Variants in CADM2 observed in about 807,000 individuals in gnomAD.
CADM2 encodes the protein cell adhesion molecule 2, also known as immunoglobulin superfamily member 4D.
In CADM2, 12 loss-of-function variants were observed where a neutral mutation model predicts 49.8. That is an observed-to-expected ratio of 0.24 (90% CI 0.15 to 0.39). The LOEUF is 0.39. CADM2 is among the 10% of genes least tolerant of loss of function. The pLI is 1.00. For synonymous variants in CADM2, 214 were observed against 175.4 expected (o/e 1.22, Z -1.74); for missense variants, 378 against 492.3 (o/e 0.77, Z 2.20).
chr3:85,000,779 G>A (rs955434993), intron 1 of CADM2, among the ~76,000 whole-genome samples: 1 of 151,790 alleles, frequency 6.6e-6, no homozygotes, highest in African/African-American at 2.4e-5. Context: ...GTGTATATGT[G>A]TGTGCATGTG....
intron 2 of CADM2, among the ~76,000 whole-genome samples, chr3:85,777,096 T>C (rs2070393729): frequency 1.3e-5 from 2 of 152,052 alleles, no homozygotes; most frequent in Admixed American, 1.3e-4. Flanking sequence ...ATATGCATAG[T>C]ATTTCTTTCT....
chr3:86,021,886 G>A (rs539817955), intron 8 of CADM2, among the ~76,000 whole-genome samples: 3 of 152,100 alleles, frequency 2.0e-5, no homozygotes, highest in African/African-American at 7.2e-5. Context: ...TACAGGAAGA[G>A]CAAGTCTAGA....
Position 85,530,538 on chromosome 3 carries a change from C to G in CADM2, c.62-195984C>G, listed in dbSNP as rs1028556426. Reference sequence around the variant, plus strand: ...TAGAGACGGGGTTTCACCGTGTTAGCCAGGATGGTCTCAATCTCCTGACTT... The same window carrying G: ...TAGAGACGGGGTTTCACCGTGTTAGGCAGGATGGTCTCAATCTCCTGACTT... On this transcript the variant is annotated intron_variant, in intron 1 of 9. Coordinates refer to ENST00000383699, the MANE Select transcript of CADM2 (RefSeq NM_001167675.2). 9.3e-4 allele frequency among the ~76,000 whole-genome samples: 141 copies of G among 151,862 alleles called. 1 individual carries two copies. Among genetic ancestry groups the G allele is most frequent in the African/African-American group, 3.3e-3 (138 of 41,308 alleles).
At chr3:86,013,777 T>C (rs2106936966) in intron 8 of CADM2, 2 of 1,590,406 alleles carry the variant, frequency 1.3e-6, no homozygotes, top group East Asian at 2.2e-5. Flanking sequence ...TTTCACACTA[T>C]GATAACTGAG....
chr3:85,374,240 G>T (rs541427606), intron 1 of CADM2, among the ~76,000 whole-genome samples: 1 of 152,190 alleles, frequency 6.6e-6, no homozygotes, highest in East Asian at 1.9e-4. Flanking sequence ...TACTGCTTAG[G>T]AATTTATTCT....
intron 1 of CADM2, among the ~76,000 whole-genome samples, chr3:85,070,350 A>T (rs2036681895): frequency 6.6e-6 from 1 of 152,172 alleles, no homozygotes; most frequent in Non-Finnish European, 1.5e-5. Flanking sequence ...ACAAATTCCA[A>T]AATGTGAAGC....
chr3:85,843,901 G>C (rs941946441), intron 3 of CADM2, among the ~76,000 whole-genome samples: 6 of 151,714 alleles, frequency 4.0e-5, no homozygotes, highest in African/African-American at 1.2e-4. Flanking sequence ...TGTGTGTGGG[G>C]GGGGAGCGGT....
intron 2 of CADM2, among the ~76,000 whole-genome samples, chr3:85,727,254 A>C (rs1299396268): frequency 1.3e-5 from 2 of 152,054 alleles, no homozygotes; most frequent in African/African-American, 4.8e-5. Flanking sequence ...TTTGCTTCTT[A>C]AATAGCAAAA....
chr3:85,023,078 G>C (rs2034576139), intron 1 of CADM2, among the ~76,000 whole-genome samples: 1 of 152,032 alleles, frequency 6.6e-6, no homozygotes. Context: ...TAAACAAAGT[G>C]AATAGTAAAG....
intron 1 of CADM2, among the ~76,000 whole-genome samples, chr3:85,243,615 G>A (rs1272251426): frequency 3.3e-5 from 5 of 152,036 alleles, no homozygotes; most frequent in African/African-American, 4.8e-5. Flanking sequence ...AAGAGGCAGA[G>A]TGCTCATTAA....
At chr3:85,745,702 C>CA (rs920355249) in intron 2 of CADM2, among the ~76,000 whole-genome samples, 6 of 152,054 alleles carry the variant, frequency 3.9e-5, no homozygotes, top group Admixed American at 3.3e-4. Context: ...CCCATCTCTA[C>CA]AAAAAATTAA....
intron 1 of CADM2, among the ~76,000 whole-genome samples, chr3:85,500,062 C>A (rs1043923036): frequency 3.4e-4 from 52 of 152,116 alleles, no homozygotes; most frequent in African/African-American, 1.3e-3. Context: ...TCAGTAATTA[C>A]AGTTGTGAAT....
At chr3:85,911,997 A>C (rs1256508690) in intron 5 of CADM2, among the ~76,000 whole-genome samples, 2 of 150,676 alleles carry the variant, frequency 1.3e-5, no homozygotes, top group Non-Finnish European at 2.9e-5. Flanking sequence ...GCTGGAGTGC[A>C]GTGGCGCCAT....
chr3:85,989,132 G>A (rs1728466784), intron 8 of CADM2, among the ~76,000 whole-genome samples: 1 of 152,106 alleles, frequency 6.6e-6, no homozygotes, highest in Admixed American at 6.6e-5. Context: ...TACTCTGGAT[G>A]TCAGCAGGAA....
chr3:85,284,142 A>C (rs899407676), intron 1 of CADM2, among the ~76,000 whole-genome samples: 1 of 152,202 alleles, frequency 6.6e-6, no homozygotes, highest in African/African-American at 2.4e-5. Flanking sequence ...GTAAAAATTA[A>C]CAAAATGTTC....
chr3:85,740,667 T>A (rs2068343182), intron 2 of CADM2, among the ~76,000 whole-genome samples: 1 of 152,188 alleles, frequency 6.6e-6, no homozygotes, highest in African/African-American at 2.4e-5. Flanking sequence ...TAAAATTATG[T>A]AAGAATTCAC....
At chr3:85,653,805 A>G (rs1475060383) in intron 1 of CADM2, among the ~76,000 whole-genome samples, 1 of 152,204 alleles carries the variant, frequency 6.6e-6, no homozygotes, top group Non-Finnish European at 1.5e-5. Flanking sequence ...TAGGAGATTT[A>G]CAAAATGAAG....
chr3:85,653,689 A>G (rs1224258619), intron 1 of CADM2, among the ~76,000 whole-genome samples: 1 of 152,116 alleles, frequency 6.6e-6, no homozygotes, highest in Non-Finnish European at 1.5e-5. Context: ...ATAAATTTGG[A>G]AAGAATCAGA....
chr3:84,986,159 T>C (rs2032537520), intron 1 of CADM2, among the ~76,000 whole-genome samples: 1 of 152,224 alleles, frequency 6.6e-6, no homozygotes, highest in Non-Finnish European at 1.5e-5. Flanking sequence ...GCAACAATAG[T>C]TACTGCAGTT....
Sources: allele counts gnomAD v4.1 joint callset (sites outside exome capture counted in the v4.1 genomes callset), GRCh38; gene constraint gnomAD v4.1.1; transcripts MANE v1.5; gene names NCBI Gene and HGNC (gene_info 2026-07-23, HGNC 2026-07-21).